The following SCML4 variants were observed in gnomAD, a reference collection of about 807,000 sequenced individuals.
The protein encoded by SCML4 is Scm polycomb group protein like 4, also known as sex comb on midleg-like protein 4.
Under a neutral mutation model 41.1 loss-of-function variants are expected in SCML4, and 34 were observed. That is an observed-to-expected ratio of 0.83 (90% CI 0.63 to 1.10). SCML4 has a LOEUF of 1.10. Ranked by LOEUF, SCML4 falls within the 50% of genes least tolerant of loss-of-function variation. The pLI is 0.00. For synonymous variants in SCML4, 214 were observed against 220.9 expected (o/e 0.97, Z 0.28); for missense variants, 522 against 534.1 (o/e 0.98, Z 0.22).
chr6:107,769,187 G>T (rs1446592547), intron 2 of SCML4, among the ~76,000 whole-genome samples: 1 of 152,198 alleles, frequency 6.6e-6, no homozygotes, highest in Non-Finnish European at 1.5e-5. Flanking sequence ...GCAAGAAGGG[G>T]GCAGTAGCAC....
intron 5 of SCML4, among the ~76,000 whole-genome samples, chr6:107,727,393 G>A (rs1366401414): frequency 6.6e-6 from 1 of 152,188 alleles, no homozygotes; most frequent in Non-Finnish European, 1.5e-5. Flanking sequence ...ATGGTGAATT[G>A]TATGATATAT....
chr6:107,756,410 A>G (rs545855275), intron 2 of SCML4, among the ~76,000 whole-genome samples: 4 of 152,140 alleles, frequency 2.6e-5, no homozygotes, highest in African/African-American at 9.7e-5. Context: ...ACAAACTGAA[A>G]TTGCAGAACA....
chr6:107,755,361 T>TA (rs1486656767), intron 2 of SCML4, among the ~76,000 whole-genome samples: 6 of 152,182 alleles, frequency 3.9e-5, no homozygotes, highest in African/African-American at 1.4e-4. Context: ...CTTCGCTAGA[T>TA]AAAAAATCAC....
intron 2 of SCML4, among the ~76,000 whole-genome samples, chr6:107,756,077 C>T (rs1463335919): frequency 6.6e-6 from 1 of 152,186 alleles, no homozygotes; most frequent in Non-Finnish European, 1.5e-5. Context: ...GAACAAACAA[C>T]TCTCCCATGC....
Position 107,788,670 on chromosome 6 carries a change from T to A in SCML4, c.-59-16284A>T, listed in dbSNP as rs554678928. Among the ~76,000 whole-genome samples the A allele has an allele frequency of 1.8e-4, 27 of 152,086 alleles. No individual in the cohort carries two copies. The South Asian group carries it at 5.6e-3, about 32-fold the overall frequency. On this transcript the variant is annotated intron_variant, in intron 1 of 7. Transcript: ENST00000369020. ...GGTGAAGCTGCTACCAACACCCTGG[T>A]ATTAGGGAGGGTTTTAGAGCTCTCT...
chr6:107,844,412 C>G, the SCML4 span, among the ~76,000 whole-genome samples: 2 of 152,362 alleles, frequency 1.3e-5, no homozygotes, highest in East Asian at 3.9e-4. Flanking sequence ...TTCAAATCAT[C>G]TGCCACTGGG....
intron 5 of SCML4, among the ~76,000 whole-genome samples, chr6:107,727,674 G>C (rs1382667834): frequency 6.6e-6 from 1 of 152,204 alleles, no homozygotes; most frequent in Non-Finnish European, 1.5e-5. Context: ...TCTTCCCTCT[G>C]GGTCAGAAGC....
intron 5 of SCML4, among the ~76,000 whole-genome samples, chr6:107,742,715 T>C (rs1777698910): frequency 6.6e-6 from 1 of 152,066 alleles, no homozygotes. Context: ...CCTTCAAATA[T>C]GAAGGGTAAA....
At chr6:107,844,508 G>C in the SCML4 span, among the ~76,000 whole-genome samples, 1 of 152,068 alleles carries the variant, frequency 6.6e-6, no homozygotes, top group Non-Finnish European at 1.5e-5. Context: ...GATCAGCCTA[G>C]GCAACAGAAT....
At chr6:107,812,345 C>G (rs1784217532) in intron 1 of SCML4, among the ~76,000 whole-genome samples, 1 of 152,188 alleles carries the variant, frequency 6.6e-6, no homozygotes, top group South Asian at 2.1e-4. Flanking sequence ...ACCCTCCATA[C>G]CAGAGAGCCC....
rs1488958197 is a variant in SCML4, at chr6:107,795,319, C to T, written c.-59-22933G>A. Among the ~76,000 whole-genome samples the T allele has an allele frequency of 2.0e-5, 3 of 151,666 alleles. No homozygotes were observed. In the East Asian group the frequency reaches 5.8e-4, roughly 29 times the overall value. Reference sequence around the variant, plus strand: ...CTTGTAATATTGCCATTTTTTTTAACCTCCCTGCTAATTTGTGCAACTAAA... The same window carrying T: ...CTTGTAATATTGCCATTTTTTTTAATCTCCCTGCTAATTTGTGCAACTAAA... On this transcript the variant is annotated intron_variant, in intron 1 of 7. Coordinates refer to ENST00000369020, the MANE Select transcript of SCML4 (RefSeq NM_198081.5).
intron 3 of SCML4, among the ~76,000 whole-genome samples, chr6:107,748,977 T>A (rs1778373862): frequency 6.6e-6 from 1 of 152,104 alleles, no homozygotes; most frequent in African/African-American, 2.4e-5. Flanking sequence ...AGCAGTGGGG[T>A]GACCCACAGG....
At chr6:107,715,381 A>G (rs1182238503) in intron 6 of SCML4, among the ~76,000 whole-genome samples, 5 of 149,674 alleles carry the variant, frequency 3.3e-5, no homozygotes, top group Non-Finnish European at 7.4e-5. Context: ...AATTGTCTCC[A>G]TCCCTCACCC....
chr6:107,740,046 G>T (rs113341073), intron 5 of SCML4: 1 of 452,218 alleles, frequency 2.2e-6, no homozygotes, highest in Non-Finnish European at 4.5e-6. Flanking sequence ...AGCTAGGAAA[G>T]GGCTCAAGAG....
chr6:107,808,175 A>T lies in SCML4; in HGVS notation c.-60+15951T>A, dbSNP rs998031566. ...AGAGTCAGAGGAAAGCCAAAGGGGG[A>T]AAAAACCTCTTTGGAATGTTTCACA... is the stretch of plus-strand genomic sequence containing the variant. On this transcript the variant is annotated intron_variant, in intron 1 of 7. Coordinates refer to ENST00000369020, the MANE Select transcript of SCML4 (RefSeq NM_198081.5). Among the ~76,000 whole-genome samples, 34 of 152,150 alleles carry T rather than the reference A, an allele frequency of 2.2e-4. 1 individual carries two copies. The highest frequency in any genetic ancestry group is 2.9e-5 in the Non-Finnish European group (2 of 68,032).
intron 7 of SCML4, among the ~76,000 whole-genome samples, chr6:107,705,871 G>C (rs1467540616): frequency 6.6e-6 from 1 of 152,128 alleles, no homozygotes; most frequent in East Asian, 1.9e-4. Flanking sequence ...TTCATCTCAG[G>C]GTTCAGCACA....
chr6:107,839,393 G>GAAAGAAACAAAGAAAGAAAC, the SCML4 span, among the ~76,000 whole-genome samples: 12 of 134,388 alleles, frequency 8.9e-5, no homozygotes, highest in African/African-American at 3.4e-4. Context: ...AAGAAAGAAA[G>GAAAGAAACAAAGAAAGAAAC]AAAGAAAGAA....
At chr6:107,776,169 T>C (rs1215605998) in intron 1 of SCML4, among the ~76,000 whole-genome samples, 1 of 151,874 alleles carries the variant, frequency 6.6e-6, no homozygotes, top group Non-Finnish European at 1.5e-5. Flanking sequence ...CACGTAAAAC[T>C]CAAACACTTT....
chr6:107,716,226 G>C (rs1739856), intron 6 of SCML4, among the ~76,000 whole-genome samples: 2,604 of 152,222 alleles, frequency 0.017, 66 homozygotes, highest in African/African-American at 0.06. Flanking sequence ...GAGAGGGAGG[G>C]CACCTGGAGT....
Sources: gnomAD v4.1 joint callset for allele counts (sites outside exome capture counted in the v4.1 genomes callset) on GRCh38, gnomAD v4.1.1 for gene constraint, MANE v1.5 for transcripts, NCBI Gene and HGNC (gene_info 2026-07-23, HGNC 2026-07-21) for gene names.